Variants in TENM4 observed in about 807,000 individuals in gnomAD.
TENM4 encodes teneurin-4.
TENM4 carries 82 observed loss-of-function variants against 243.3 expected under a neutral mutation model. That is an observed-to-expected ratio of 0.34 (90% confidence interval 0.28 to 0.40). TENM4 has a LOEUF of 0.40. Among genes scored for constraint, TENM4 ranks in the 10% least tolerant of loss-of-function variants. The pLI, the probability that TENM4 is intolerant of heterozygous loss-of-function variation, is 1.00. For synonymous variants in TENM4, 1,412 were observed against 1,456.3 expected, an observed-to-expected ratio of 0.97 and a Z score of 0.69; for missense variants, 3,138 against 3,673.3, an observed-to-expected ratio of 0.85 and a Z score of 3.77.
At chr11:79,157,323 C>T (rs148821951) in intron 3 of TENM4, among the ~76,000 whole-genome samples, 1 of 152,258 alleles carries the variant, frequency 6.6e-6, no homozygotes, top group African/African-American at 2.4e-5. Context: ...AGGTCTTTAA[C>T]ACCCTGGGCG....
Position 78,674,390 on chromosome 11 carries a change from T to G in TENM4, c.5496+1762A>C, listed in dbSNP as rs1047042717. ...GTGGCCACCCGTCCCAATCTCAGGTTGGGAGAGGGACCAATTAAAGCCTGG... is the reference window on the plus strand; with the variant it reads ...GTGGCCACCCGTCCCAATCTCAGGTGGGGAGAGGGACCAATTAAAGCCTGG... On this transcript the variant is annotated intron_variant, in intron 30 of 33. Transcript: ENST00000278550. Among the ~76,000 whole-genome samples the G allele has an allele frequency of 1.4e-4, 21 of 152,146 alleles. 2 individuals carry two copies. Among genetic ancestry groups the G allele is most frequent in the Admixed American group, 1.2e-3 (18 of 15,276 alleles).
At chr11:79,423,235 A>T (rs530591060) in intron 1 of TENM4, among the ~76,000 whole-genome samples, 1 of 152,280 alleles carries the variant, frequency 6.6e-6, no homozygotes, top group Non-Finnish European at 1.5e-5. Flanking sequence ...ACCCTGCCAG[A>T]TCCTTTACCT....
At chr11:79,161,453 G>A (rs576070240) in intron 3 of TENM4, among the ~76,000 whole-genome samples, 8 of 152,168 alleles carry the variant, frequency 5.3e-5, no homozygotes, top group African/African-American at 7.2e-5. Flanking sequence ...ACTGGATTAG[G>A]GTGGGCTCTA....
chr11:78,773,007 A>G (rs1856671544), intron 17 of TENM4, among the ~76,000 whole-genome samples: 1 of 152,244 alleles, frequency 6.6e-6, no homozygotes, highest in Non-Finnish European at 1.5e-5. Flanking sequence ...TATCCAGGCA[A>G]TCTGACTTGG....
chr11:78,968,038 G>A (rs948091876), intron 6 of TENM4, among the ~76,000 whole-genome samples: 1 of 152,320 alleles, frequency 6.6e-6, no homozygotes, highest in Middle Eastern at 3.4e-3. Flanking sequence ...TATGAATGAC[G>A]TGGTGCCCTC....
intron 12 of TENM4, among the ~76,000 whole-genome samples, chr11:78,823,277 G>A (rs1056091112): frequency 6.6e-6 from 1 of 152,186 alleles, no homozygotes; most frequent in Admixed American, 6.6e-5. Context: ...CCCAGCGGTG[G>A]CCCAGGTGCA....
At chr11:79,047,562 C>G (rs929143115) in intron 6 of TENM4, among the ~76,000 whole-genome samples, 2 of 152,204 alleles carry the variant, frequency 1.3e-5, no homozygotes, top group African/African-American at 2.4e-5. Flanking sequence ...TGGAAGTGCT[C>G]TGTCTGTGAA....
chr11:79,235,621 A>G (rs1036561884), intron 2 of TENM4, among the ~76,000 whole-genome samples: 9 of 152,324 alleles, frequency 5.9e-5, no homozygotes, highest in Admixed American at 2.0e-4. Context: ...TAAAAGCTGG[A>G]CCAGGGGACA....
chr11:78,692,935 C>G (rs1024960902), intron 28 of TENM4, among the ~76,000 whole-genome samples: 2 of 152,156 alleles, frequency 1.3e-5, no homozygotes, highest in African/African-American at 4.8e-5. Flanking sequence ...TCCCCCCAAC[C>G]TTTGTATCAT....
chr11:79,066,618 G>C (rs1049059929), intron 5 of TENM4, among the ~76,000 whole-genome samples: 1 of 149,092 alleles, frequency 6.7e-6, no homozygotes, highest in Non-Finnish European at 1.5e-5. Flanking sequence ...GCACACACAC[G>C]TGCGCACACA....
At chr11:78,821,985 G>A (rs1321544470) in intron 12 of TENM4, among the ~76,000 whole-genome samples, 4 of 118,428 alleles carry the variant, frequency 3.4e-5, no homozygotes, top group African/African-American at 1.4e-4. Context: ...TTCATCTCTG[G>A]ATCTCTGGCA....
At chr11:79,321,899 C>T (rs1207415039) in intron 1 of TENM4, among the ~76,000 whole-genome samples, 1 of 152,138 alleles carries the variant, frequency 6.6e-6, no homozygotes, top group Non-Finnish European at 1.5e-5. Flanking sequence ...TATCAAGCTA[C>T]TTGGAAGAGA....
chr11:78,936,037 A>T (rs947452080), intron 6 of TENM4, among the ~76,000 whole-genome samples: 6 of 152,338 alleles, frequency 3.9e-5, no homozygotes, highest in African/African-American at 1.4e-4. Context: ...TTCCCCAGTG[A>T]GGGATAAATG....
At chr11:78,929,709 G>A (rs896918801) in intron 6 of TENM4, among the ~76,000 whole-genome samples, 3 of 152,186 alleles carry the variant, frequency 2.0e-5, no homozygotes, top group Non-Finnish European at 4.4e-5. Context: ...ATACAGCCAA[G>A]CCAAGCTTCA....
At chr11:78,950,387 C>T (rs663919) in intron 6 of TENM4, among the ~76,000 whole-genome samples, 59,274 of 151,876 alleles carry the variant, frequency 0.39, 12,229 homozygotes, top group Non-Finnish European at 0.46. Flanking sequence ...TAGTGCAGGG[C>T]GGGGGGAGAA....
chr11:79,101,779 GC>G (rs1399831790), intron 4 of TENM4, among the ~76,000 whole-genome samples: 1 of 152,128 alleles, frequency 6.6e-6, no homozygotes, highest in Non-Finnish European at 1.5e-5. Context: ...GACATAAAGT[GC>G]CCCCCAAATG....
At chr11:78,726,260 C>G in intron 22 of TENM4, 38 bp from the exon 23 acceptor site, 1 of 1,605,450 alleles carries the variant, frequency 6.2e-7, no homozygotes, top group Non-Finnish European at 8.5e-7. Flanking sequence ...CATAAGTGAG[C>G]AAAGCCCACT....
In TENM4 at chr11:78,676,207, C is replaced by T. The variant is rs770466860; in HGVS notation, c.5441G>A (p.Arg1814His). The T allele has an allele frequency of 1.1e-5, 17 of 1,580,272 alleles. No individual in the cohort carries two copies. Among genetic ancestry groups the T allele is most frequent in the South Asian group, 2.3e-5 (2 of 87,278 alleles). Residue 1814 changes from arginine to histidine, a missense_variant, in exon 30 of 34, where the codon CGC becomes CAC. This residue lies in a region of TENM4 where 2,467 missense variants were observed against 3,059.1 expected (regional missense o/e 0.81). Transcript: ENST00000278550. ...IDNGLNLVEW[R>H]QRKEQARGQV... ...GCCCCGAGCCTGCTCTTTGCGCTGG[C>T]GCCACTCCACCAGGTTGAGGCCGTT...
chr11:79,322,345 G>C (rs182274823), intron 1 of TENM4, among the ~76,000 whole-genome samples: 3 of 152,190 alleles, frequency 2.0e-5, no homozygotes, highest in African/African-American at 7.2e-5. Flanking sequence ...TACTGTTGCT[G>C]TCATTAAATT....
Sources: allele counts gnomAD v4.1 joint callset (sites outside exome capture counted in the v4.1 genomes callset), GRCh38; gene constraint gnomAD v4.1.1; regional missense constraint gnomAD v4.1.1; transcripts MANE v1.5; gene names NCBI Gene and HGNC (gene_info 2026-07-23, HGNC 2026-07-21).